The following SYMPK variants were observed in gnomAD, a reference collection of about 807,000 sequenced individuals.
The protein encoded by SYMPK is symplekin scaffold protein.
SYMPK carries 49 observed loss-of-function variants against 136.4 expected under a neutral mutation model. That is an observed-to-expected ratio of 0.36 (90% CI 0.29 to 0.46). The LOEUF is 0.46. Ranked by LOEUF, SYMPK falls within the 20% of genes least tolerant of loss-of-function variation. The pLI is 1.00. For missense variants in SYMPK, 1,365 were observed against 1,690.0 expected (o/e 0.81, Z 3.37); for synonymous variants, 766 against 713.0 (o/e 1.07, Z -1.19).
At chr19:45,847,246 G>A (rs1971584519) in intron 7 of SYMPK, among the ~76,000 whole-genome samples, 1 of 151,976 alleles carries the variant, frequency 6.6e-6, no homozygotes, top group Admixed American at 6.6e-5. Flanking sequence ...GTGAAACCCT[G>A]CTTCTACTAA....
At chr19:45,856,203 A>G (rs1971818020) in intron 1 of SYMPK, among the ~76,000 whole-genome samples, 1 of 152,006 alleles carries the variant, frequency 6.6e-6, no homozygotes, top group South Asian at 2.1e-4. Flanking sequence ...AAAATACAAC[A>G]GTTAGCTGAG....
intron 14 of SYMPK, 178 bp downstream of exon 14, chr19:45,828,791 CA>C (rs771439836): frequency 1.6e-6 from 1 of 628,094 alleles, no homozygotes; most frequent in Non-Finnish European, 2.8e-6. Context: ...AGCCCACATG[CA>C]AAACTACAAC....
intron 1 of SYMPK, among the ~76,000 whole-genome samples, chr19:45,856,398 G>C (rs529617489): frequency 6.6e-6 from 1 of 152,202 alleles, no homozygotes; most frequent in East Asian, 1.9e-4. Context: ...ACAGCCTGTT[G>C]CATCAGAGGA....
chr19:45,831,151 T>G, intron 12 of SYMPK: 1 of 372,622 alleles, frequency 2.7e-6, no homozygotes, highest in Non-Finnish European at 4.7e-6. Flanking sequence ...ATTATCCTAA[T>G]TTTAGACATA....
At chr19:45,841,381 C>T (rs1171372386) in intron 9 of SYMPK, among the ~76,000 whole-genome samples, 1 of 151,852 alleles carries the variant, frequency 6.6e-6, no homozygotes, top group Non-Finnish European at 1.5e-5. Flanking sequence ...CAACTTCTGC[C>T]TCCTGGGTTC....
At chr19:45,816,314 C>T in intron 25 of SYMPK, 131 bp from the exon 26 acceptor site, 2 of 1,154,454 alleles carry the variant, frequency 1.7e-6, no homozygotes, top group South Asian at 1.6e-5. Context: ...GGCAGTTGTC[C>T]CCCAGACCCC....
In SYMPK at chr19:45,821,028, C is replaced by T. The variant is rs572185164; in HGVS notation, c.2893+356G>A. 7 of 606,432 alleles carry T rather than the reference C, an allele frequency of 1.2e-5. No individual in the cohort carries two copies. Among genetic ancestry groups the T allele is most frequent in the East Asian group, 2.8e-5 (1 of 35,886 alleles). 37.6% of individuals were successfully genotyped at this position (606,432 alleles called of 1,614,324 possible). A position where few individuals can be genotyped will look rare whatever the true frequency, so the allele number is the denominator to read the frequency against. The stretch of plus-strand genomic sequence containing the variant: ...GAGCCCTGGGTCTGCCCTGCTGCTG[C>T]GCCTCTACCACTCACGGTGTGCCCT... On this transcript the variant is annotated intron_variant, in intron 22 of 26. Coordinates refer to ENST00000245934, the MANE Select transcript of SYMPK (RefSeq NM_004819.3). This position sits in a 1 kb window ranked among gnomAD's most constrained non-coding sequence, Gnocchi z 4.4.
chr19:45,840,852 G>T (rs537264864), intron 9 of SYMPK, among the ~76,000 whole-genome samples: 1 of 151,932 alleles, frequency 6.6e-6, no homozygotes, highest in South Asian at 2.1e-4. Context: ...AAAAAAAAAG[G>T]ATGAGGTAGA....
chr19:45,820,934 TCGTCACCAAC>T, intron 22 of SYMPK: 1 of 575,768 alleles, frequency 1.7e-6, no homozygotes, highest in Non-Finnish European at 3.1e-6. Flanking sequence ...GGCGGCCAGT[TCGTCACCAAC>T]CCTGCCGCCC....
intron 9 of SYMPK, among the ~76,000 whole-genome samples, chr19:45,840,302 G>C (rs1600515886): frequency 7.9e-6 from 1 of 125,884 alleles, no homozygotes; most frequent in African/African-American, 3.1e-5. Context: ...GTGACAGAGC[G>C]AGACTGTCTC....
intron 9 of SYMPK, among the ~76,000 whole-genome samples, chr19:45,841,631 G>A (rs1392776439): frequency 6.6e-6 from 1 of 151,906 alleles, no homozygotes; most frequent in Non-Finnish European, 1.5e-5. Context: ...TAAATCTTTC[G>A]TAAATGCTCT....
At position 45,829,999 on chromosome 19, in the gene SYMPK, T is replaced by G; in HGVS notation, c.1749+55A>C. 3.3e-6 allele frequency: 5 copies of G among 1,505,528 alleles called. No individual in the cohort carries two copies. In the South Asian group the frequency reaches 6.2e-5, roughly 19 times the overall value. 93.3% of individuals were successfully genotyped at this position (1,505,528 alleles called of 1,614,324 possible). A position where few individuals can be genotyped will look rare whatever the true frequency, so the allele number is the denominator to read the frequency against. The stretch of plus-strand genomic sequence containing the variant: ...GCCAGACTCTTCGCTGGATGTGAGG[T>G]AGACGTTTGGGTAGAGGGACTGGAA... On this transcript the variant is annotated intron_variant, in intron 13 of 26. Coordinates refer to ENST00000245934, the MANE Select transcript of SYMPK (RefSeq NM_004819.3).
At chr19:45,817,512 G>A (rs551926973) in intron 23 of SYMPK, among the ~76,000 whole-genome samples, 1 of 143,380 alleles carries the variant, frequency 7.0e-6, no homozygotes, top group South Asian at 2.2e-4. Flanking sequence ...CCTCACTGCA[G>A]CCCCAAACTC....
chr19:45,860,702 G>A (rs1971945111), intron 1 of SYMPK, among the ~76,000 whole-genome samples: 1 of 152,154 alleles, frequency 6.6e-6, no homozygotes, highest in Non-Finnish European at 1.5e-5. Flanking sequence ...GGAGTGCAGT[G>A]CCGCAATCTC....
At chr19:45,823,006 C>T (rs932193327) in intron 20 of SYMPK, among the ~76,000 whole-genome samples, 160 bp from the exon 21 acceptor site, 1 of 152,168 alleles carries the variant, frequency 6.6e-6, no homozygotes, top group Admixed American at 6.5e-5. Flanking sequence ...GAGCTTTCTC[C>T]CCAGCTCTCA....
Position 45,816,739 on chromosome 19 carries a change from G to A in SYMPK, c.3258+59C>T, listed in dbSNP as rs1192908482. On this transcript the variant is annotated intron_variant, in intron 24 of 26. Coordinates refer to ENST00000245934, the MANE Select transcript of SYMPK (RefSeq NM_004819.3). ...CCCCACCAACCAGAGGGACCCAGGG[G>A]GCCGCCCACCGCACACCCTGGGTGG... 14 of 1,477,652 alleles carry A rather than the reference G, an allele frequency of 9.5e-6. No individual in the cohort carries two copies. In the East Asian group the frequency reaches 3.5e-4, roughly 37 times the overall value. 91.5% of individuals were successfully genotyped at this position (1,477,652 alleles called of 1,614,324 possible).
rs1214994032 is a variant in SYMPK, at chr19:45,830,320, G to A, written c.1599-116C>T. The A allele has an allele frequency of 3.4e-6, 4 of 1,180,792 alleles. No individual in the cohort carries two copies. The East Asian group carries it at 7.8e-5, about 23-fold the overall frequency. The allele number at this position is 1,180,792 out of a possible 1,614,324, so 73.1% of individuals were successfully genotyped here. A position where few individuals can be genotyped will look rare whatever the true frequency, so the allele number is the denominator to read the frequency against. On this transcript the variant is annotated intron_variant, in intron 12 of 26. Transcript: ENST00000245934. ...CAACAGAGATGGCCCCCATCCCCCT[G>A]CTGCCTCTCCAGTTCCTCTGTGTCT... is the stretch of plus-strand genomic sequence containing the variant.
At chr19:45,823,685 C>A in intron 19 of SYMPK, 82 bp downstream of exon 19, 1 of 1,265,448 alleles carries the variant, frequency 7.9e-7, no homozygotes, top group Non-Finnish European at 1.1e-6. Context: ...CATCTGGGGA[C>A]CCAGCAGCTC....
intron 3 of SYMPK, 28 bp from the exon 4 acceptor site, chr19:45,852,563 G>A: frequency 6.2e-7 from 1 of 1,613,980 alleles, no homozygotes; most frequent in Non-Finnish European, 8.5e-7. Context: ...GTGGGGAGGA[G>A]GAATACCCAT....
Sources: gnomAD v4.1 joint callset for allele counts (sites outside exome capture counted in the v4.1 genomes callset) on GRCh38, gnomAD v4.1.1 for gene constraint, Gnocchi (gnomAD v3.1) non-coding constraint, MANE v1.5 for transcripts, NCBI Gene and HGNC (gene_info 2026-07-23, HGNC 2026-07-21) for gene names.